The following CLYBL variants were observed in gnomAD, a reference collection of about 807,000 sequenced individuals.
CLYBL encodes the protein citramalyl-CoA lyase, mitochondrial.
Under a neutral mutation model 38.9 loss-of-function variants are expected in CLYBL, and 31 were observed. The observed-to-expected ratio is 0.80, with a 90% CI of 0.60 to 1.08. CLYBL has a LOEUF of 1.08. Ranked by LOEUF, CLYBL falls within the 50% of genes least tolerant of loss-of-function variation. The pLI is 0.00. For missense variants in CLYBL, 434 were observed against 411.6 expected, an observed-to-expected ratio of 1.05 and a Z score of -0.47; for synonymous variants, 171 against 158.6, an observed-to-expected ratio of 1.08 and a Z score of -0.59.
Position 99,768,958 on chromosome 13 carries a change from G to A in CLYBL, c.63-3866G>A, listed in dbSNP as rs78488529. On this transcript the variant is annotated intron_variant, in intron 1 of 8. Transcript: ENST00000339105. ...GCAAAAAATTAATGGGGGAGGTGCT[G>A]GCCCTTTAAATTACCTGGAGGTCAC... is the stretch of plus-strand genomic sequence containing the variant. Among the ~76,000 whole-genome samples, 1,376 of 152,254 alleles carry A rather than the reference G, an allele frequency of 9.0e-3. 15 individuals carry two copies. The highest frequency in any genetic ancestry group is 0.02 in the Admixed American group (310 of 15,290).
intron 2 of CLYBL, among the ~76,000 whole-genome samples, chr13:99,811,973 G>T (rs1237596727): frequency 2.0e-5 from 3 of 152,168 alleles, no homozygotes; most frequent in Non-Finnish European, 4.4e-5. Flanking sequence ...GAAGAGAGTA[G>T]CATGAATCCA....
intron 7 of CLYBL, among the ~76,000 whole-genome samples, chr13:99,888,208 G>A (rs1437202377): frequency 6.6e-6 from 1 of 152,180 alleles, no homozygotes; most frequent in Non-Finnish European, 1.5e-5. Context: ...GTAGCACAAT[G>A]TACATAGAGT....
At chr13:99,740,122 G>A (rs2048728199) in intron 1 of CLYBL, among the ~76,000 whole-genome samples, 1 of 152,224 alleles carries the variant, frequency 6.6e-6, no homozygotes, top group Non-Finnish European at 1.5e-5. Context: ...AATATGTCTT[G>A]TTTCTCAACC....
intron 1 of CLYBL, among the ~76,000 whole-genome samples, chr13:99,698,221 GTC>G (rs1254669954): frequency 1.3e-5 from 2 of 151,896 alleles, no homozygotes; most frequent in South Asian, 2.1e-4. Flanking sequence ...GTCTTATTCT[GTC>G]TCTCAGGCTG....
chr13:99,752,370 G>A (rs894481520), intron 1 of CLYBL, among the ~76,000 whole-genome samples: 3 of 152,114 alleles, frequency 2.0e-5, no homozygotes, highest in African/African-American at 7.2e-5. Context: ...TCCATGTATG[G>A]CTTTGAGCCA....
At chr13:99,744,394 A>G (rs545234513) in intron 1 of CLYBL, among the ~76,000 whole-genome samples, 2 of 152,270 alleles carry the variant, frequency 1.3e-5, no homozygotes, top group East Asian at 3.9e-4. Context: ...AAGTTCTGAG[A>G]TATCCTCTGG....
At chr13:99,860,157 T>C (rs1405285706) in intron 3 of CLYBL, among the ~76,000 whole-genome samples, 1 of 152,146 alleles carries the variant, frequency 6.6e-6, no homozygotes, top group East Asian at 1.9e-4. Context: ...ACACACTCGA[T>C]TTTGAAGACT....
chr13:99,903,532 G>C (rs1019921091), intron 8 of CLYBL, among the ~76,000 whole-genome samples: 4 of 152,050 alleles, frequency 2.6e-5, no homozygotes, highest in Non-Finnish European at 5.9e-5. Context: ...TGATCCTTTC[G>C]ATTTCCATGA....
In CLYBL at chr13:99,608,939, G is replaced by C. The variant is rs1366455432; in HGVS notation, c.62+2182G>C. 4.3e-5 allele frequency among the ~76,000 whole-genome samples: 5 copies of C among 116,910 alleles called. No homozygotes were observed. The South Asian group carries it at 1.6e-3, about 38-fold the overall frequency. 76.7% of individuals were successfully genotyped at this position (116,910 alleles called of 152,430 possible). A position where few individuals can be genotyped will look rare whatever the true frequency, so the allele number is the denominator to read the frequency against. Reference sequence around the variant, plus strand: ...TATTATGATGTGTGTAGATCTGTTTGAGTTTATCCTCTTGGAAGTTTATTG... The same window carrying C: ...TATTATGATGTGTGTAGATCTGTTTCAGTTTATCCTCTTGGAAGTTTATTG... On this transcript the variant is annotated intron_variant, in intron 1 of 8. Coordinates refer to ENST00000339105, the MANE Select transcript of CLYBL (RefSeq NM_206808.5).
At chr13:99,652,035 GA>G (rs1167045458) in intron 1 of CLYBL, among the ~76,000 whole-genome samples, 1 of 152,224 alleles carries the variant, frequency 6.6e-6, no homozygotes, top group African/African-American at 2.4e-5. Context: ...ACCGTCGGTG[GA>G]AAGCAACTGT....
chr13:99,646,966 G>A (rs2047186112), intron 1 of CLYBL, among the ~76,000 whole-genome samples: 1 of 152,146 alleles, frequency 6.6e-6, no homozygotes, highest in African/African-American at 2.4e-5. Flanking sequence ...GGAGAGAGGT[G>A]GGCAGGGCCC....
chr13:99,661,674 C>A (rs188773862), intron 1 of CLYBL, among the ~76,000 whole-genome samples: 7 of 152,154 alleles, frequency 4.6e-5, no homozygotes, highest in Admixed American at 4.6e-4. Flanking sequence ...AAATAGATTT[C>A]CTTTTTCCTT....
chr13:99,632,267 G>C (rs974456346), intron 1 of CLYBL, among the ~76,000 whole-genome samples: 4 of 152,202 alleles, frequency 2.6e-5, no homozygotes, highest in Admixed American at 2.6e-4. Context: ...AAAAGTAGCA[G>C]CTTTAAGCCT....
rs867298357 is a variant in CLYBL, at chr13:99,869,557, A to G, written c.803-1381A>G. Among the ~76,000 whole-genome samples the G allele has an allele frequency of 6.6e-6, 1 of 152,180 alleles. No homozygotes were observed. Among genetic ancestry groups the G allele is most frequent in the South Asian group, 2.1e-4 (1 of 4,834 alleles). On this transcript the variant is annotated intron_variant, in intron 6 of 8. Coordinates refer to ENST00000339105, the MANE Select transcript of CLYBL (RefSeq NM_206808.5). The surrounding 1 kb of genome is among the most constrained non-coding windows in gnomAD (Gnocchi z 4.3). ...TATAAGTGTTTAACATTTTATTAGT[A>G]TGCTGACAGAAAAGAATGAAATAGC...
chr13:99,701,002 G>A lies in CLYBL; in HGVS notation c.63-71822G>A, dbSNP rs986497749. 7.0e-4 allele frequency among the ~76,000 whole-genome samples: 106 copies of A among 152,218 alleles called. 2 individuals carry two copies. The highest frequency in any genetic ancestry group is 8.8e-5 in the Non-Finnish European group (6 of 68,006). ...TCCTCTCCACTCAGAGGAAGTTGAC[G>A]TTGGTTCAGTGATGTTACAGAGGAT... On this transcript the variant is annotated intron_variant, in intron 1 of 8. Transcript: ENST00000339105.
At chr13:99,607,111 A>T (rs1257420552) in intron 1 of CLYBL, among the ~76,000 whole-genome samples, 2 of 152,236 alleles carry the variant, frequency 1.3e-5, no homozygotes, top group African/African-American at 4.8e-5. Context: ...TTCGTTTAAC[A>T]CAGCGGTTCC....
intron 2 of CLYBL, among the ~76,000 whole-genome samples, chr13:99,793,799 T>C (rs554306083): frequency 3.0e-4 from 46 of 151,590 alleles, no homozygotes; most frequent in Non-Finnish European, 6.2e-4. Context: ...TAAGACTGAG[T>C]ATGATCTATA....
At position 99,849,189 on chromosome 13, in the gene CLYBL, T is replaced by G. The variant is rs1015096981; in HGVS notation, c.250-9672T>G. On this transcript the variant is annotated intron_variant, in intron 2 of 8. Coordinates refer to ENST00000339105, the MANE Select transcript of CLYBL (RefSeq NM_206808.5). The surrounding 1 kb of genome is among the most constrained non-coding windows in gnomAD (Gnocchi z 4.9). ...ACTATTGAGAAAGACAGTGTAAGCT[T>G]GTGGTACGTAAATACTCTGTCTTTT... Among the ~76,000 whole-genome samples, 7 of 151,836 alleles carry G rather than the reference T, an allele frequency of 4.6e-5. No individual in the cohort carries two copies. The highest frequency in any genetic ancestry group is 2.9e-5 in the Non-Finnish European group (2 of 67,988).
Position 99,672,401 on chromosome 13 carries a change from A to T in CLYBL, c.62+65644A>T, listed in dbSNP as rs544886400. Among the ~76,000 whole-genome samples the T allele has an allele frequency of 3.3e-5, 5 of 152,164 alleles. No individual in the cohort carries two copies. In the South Asian group the frequency reaches 1.0e-3, roughly 32 times the overall value. ...ATCAGTTTTTCTTTACTGGGTAAGT[A>T]TAAATATCTAAACATCCACAAGACA... On this transcript the variant is annotated intron_variant, in intron 1 of 8. Transcript: ENST00000339105.
Sources: gnomAD v4.1 joint callset for allele counts (sites outside exome capture counted in the v4.1 genomes callset) on GRCh38, gnomAD v4.1.1 for gene constraint, Gnocchi (gnomAD v3.1) non-coding constraint, MANE v1.5 for transcripts, NCBI Gene and HGNC (gene_info 2026-07-23, HGNC 2026-07-21) for gene names.